The following LHFPL3 variants were observed in gnomAD, a reference collection of about 807,000 sequenced individuals.
LHFPL3 encodes the protein LHFPL tetraspan subfamily member 3.
In LHFPL3, 5 loss-of-function variants were observed where a neutral mutation model predicts 19.3. That is an observed-to-expected ratio of 0.26 (90% CI 0.14 to 0.54). The LOEUF is 0.54. Ranked by LOEUF, LHFPL3 falls within the 20% of genes least tolerant of loss-of-function variation. LHFPL3 has a pLI of 0.94. For synonymous variants in LHFPL3, 133 were observed against 126.2 expected (o/e 1.05, Z -0.36); for missense variants, 249 against 307.4 (o/e 0.81, Z 1.42).
intron 2 of LHFPL3, among the ~76,000 whole-genome samples, chr7:104,871,913 C>T (rs562593405): frequency 1.3e-5 from 2 of 152,244 alleles, no homozygotes; most frequent in South Asian, 4.1e-4. Context: ...CCGCCTCGGC[C>T]TCCCAAAGTA....
At chr7:104,474,153 C>T (rs991282344) in intron 1 of LHFPL3, among the ~76,000 whole-genome samples, 77 of 152,254 alleles carry the variant, frequency 5.1e-4, no homozygotes, top group Admixed American at 4.9e-3. Context: ...CCCAAGTCCA[C>T]CAATTGTATA....
intron 2 of LHFPL3, among the ~76,000 whole-genome samples, chr7:104,746,850 A>T (rs1794055219): frequency 6.6e-6 from 1 of 152,244 alleles, no homozygotes; most frequent in Non-Finnish European, 1.5e-5. Context: ...ACCAACATTT[A>T]TATAGTGTTT....
rs1791315739 is a variant in LHFPL3, at chr7:104,615,543, C to T, written c.446-121132C>T. On this transcript the variant is annotated intron_variant, in intron 1 of 2. Coordinates refer to ENST00000424859, the MANE Select transcript of LHFPL3 (RefSeq NM_199000.3). ...TGATTCAGCTGCATTTTTTATTACA[C>T]TTTAAGTTCTAGGATACATGTGCAG... is the stretch of plus-strand genomic sequence containing the variant. Among the ~76,000 whole-genome samples the T allele has an allele frequency of 2.0e-5, 3 of 152,290 alleles. No individual in the cohort carries two copies. The South Asian group carries it at 6.2e-4, about 32-fold the overall frequency.
At chr7:104,614,653 C>CTCCTCTCCTCTCCTCTCCTTCCTTCCT (rs1791285069) in intron 1 of LHFPL3, among the ~76,000 whole-genome samples, 3 of 51,436 alleles carry the variant, frequency 5.8e-5, no homozygotes, top group African/African-American at 1.8e-4. Context: ...CTTCTCTTCT[C>CTCCTCTCCTCTCCTCTCCTTCCTTCCT]TCCTTCCTTC....
At chr7:104,736,374 T>C (rs148189489) in intron 1 of LHFPL3, among the ~76,000 whole-genome samples, 3 of 152,134 alleles carry the variant, frequency 2.0e-5, no homozygotes, top group Non-Finnish European at 2.9e-5. Context: ...AAATTCCATT[T>C]CTTAATATTT....
intron 1 of LHFPL3, among the ~76,000 whole-genome samples, chr7:104,694,383 G>A (rs796420974): frequency 4.0e-4 from 61 of 152,340 alleles, no homozygotes; most frequent in African/African-American, 1.4e-3. Flanking sequence ...CTATTGTGAT[G>A]AGGAAGCTTT....
chr7:104,827,677 G>A (rs1790852131), intron 2 of LHFPL3, among the ~76,000 whole-genome samples: 1 of 150,968 alleles, frequency 6.6e-6, no homozygotes, highest in African/African-American at 2.4e-5. Flanking sequence ...GAGAGGCCCT[G>A]GAGTCTAAAA....
chr7:104,530,173 C>G (rs1382422404), intron 1 of LHFPL3, among the ~76,000 whole-genome samples: 2 of 152,186 alleles, frequency 1.3e-5, no homozygotes, highest in African/African-American at 4.8e-5. Context: ...GATTGCAACT[C>G]AGAGATTTCT....
chr7:104,522,308 A>G (rs910173461), intron 1 of LHFPL3, among the ~76,000 whole-genome samples: 5 of 147,676 alleles, frequency 3.4e-5, no homozygotes, highest in African/African-American at 1.0e-4. Flanking sequence ...AACACCGCAT[A>G]TTCTCACTCA....
rs542332711 is a variant in LHFPL3, at chr7:104,868,831, C to T, written c.683-37356C>T. Among the ~76,000 whole-genome samples, 4 of 152,288 alleles carry T rather than the reference C, an allele frequency of 2.6e-5. No individual in the cohort carries two copies. The East Asian group carries it at 7.7e-4, about 29-fold the overall frequency. On this transcript the variant is annotated intron_variant, in intron 2 of 2. Transcript: ENST00000424859. ...CGCTACCTGACTTCAAACTGTACTA[C>T]AAGGCTACAGTAACCAAAACAGCAT... is the stretch of plus-strand genomic sequence containing the variant.
At chr7:104,586,946 T>A (rs762127879) in intron 1 of LHFPL3, among the ~76,000 whole-genome samples, 47 of 152,142 alleles carry the variant, frequency 3.1e-4, no homozygotes, top group Non-Finnish European at 6.0e-4. Context: ...AGATTATGTA[T>A]CATTTTTCTC....
intron 2 of LHFPL3, among the ~76,000 whole-genome samples, chr7:104,813,245 T>C (rs1397034107): frequency 6.7e-6 from 1 of 150,050 alleles, no homozygotes; most frequent in Admixed American, 6.7e-5. Flanking sequence ...ACCACTGCAC[T>C]CCGGCCTGGG....
rs1790728796 is a variant in LHFPL3, at chr7:104,823,992, A to G, written c.683-82195A>G. Reference sequence around the variant, plus strand: ...GAAACCACATCTCTACTAAAAATACAAAAAATAGCCGGGCATGGTGGTGCA... The same window carrying G: ...GAAACCACATCTCTACTAAAAATACGAAAAATAGCCGGGCATGGTGGTGCA... On this transcript the variant is annotated intron_variant, in intron 2 of 2. Coordinates refer to ENST00000424859, the MANE Select transcript of LHFPL3 (RefSeq NM_199000.3). Among the ~76,000 whole-genome samples the G allele has an allele frequency of 2.0e-5, 3 of 148,200 alleles. No individual in the cohort carries two copies. The Admixed American group carries it at 2.1e-4, about 10-fold the overall frequency.
At chr7:104,689,798 A>G (rs1792875569) in intron 1 of LHFPL3, among the ~76,000 whole-genome samples, 1 of 152,158 alleles carries the variant, frequency 6.6e-6, no homozygotes, top group Non-Finnish European at 1.5e-5. Context: ...AGGTCAGGTA[A>G]TTAATGAAGT....
chr7:104,776,715 G>A (rs1321265308), intron 2 of LHFPL3, among the ~76,000 whole-genome samples: 10 of 152,224 alleles, frequency 6.6e-5, no homozygotes. Context: ...GCATATAGAT[G>A]TTTGGTTTTC....
intron 1 of LHFPL3, among the ~76,000 whole-genome samples, chr7:104,594,903 C>CA: frequency 6.6e-6 from 1 of 151,948 alleles, no homozygotes; most frequent in Non-Finnish European, 1.5e-5. Context: ...CATTTAAGGT[C>CA]TTCCCTACAC....
intron 2 of LHFPL3, among the ~76,000 whole-genome samples, chr7:104,849,182 C>T (rs1037871901): frequency 8.5e-5 from 13 of 152,182 alleles, no homozygotes; most frequent in African/African-American, 2.9e-4. Flanking sequence ...CCACCCACTT[C>T]GGCCTCCGGA....
rs190468890 is a variant in LHFPL3 at position 104,632,372 on chromosome 7, G to A, written c.446-104303G>A. On this transcript the variant is annotated intron_variant, in intron 1 of 2. Coordinates refer to ENST00000424859, the MANE Select transcript of LHFPL3 (RefSeq NM_199000.3). Reference sequence around the variant, plus strand: ...TTAATATGACCTTCAGGATGTAGACGTTGTTATTTTAATAAAAGGAAAGAA... The same window carrying A: ...TTAATATGACCTTCAGGATGTAGACATTGTTATTTTAATAAAAGGAAAGAA... 2.6e-4 allele frequency among the ~76,000 whole-genome samples: 39 copies of A among 152,172 alleles called. No homozygotes were observed. In the East Asian group the frequency reaches 6.4e-3, roughly 25 times the overall value.
chr7:104,453,029 G>T (rs1584329559), intron 1 of LHFPL3, among the ~76,000 whole-genome samples: 2 of 152,190 alleles, frequency 1.3e-5, no homozygotes, highest in South Asian at 4.2e-4. Context: ...AGAAAGAACA[G>T]CCCTGTGTCT....
Sources: gnomAD v4.1 joint callset for allele counts (sites outside exome capture counted in the v4.1 genomes callset) on GRCh38, gnomAD v4.1.1 for gene constraint, MANE v1.5 for transcripts, NCBI Gene and HGNC (gene_info 2026-07-23, HGNC 2026-07-21) for gene names.